The following GMDS variants were observed in gnomAD, a reference collection of about 807,000 sequenced individuals.
The protein encoded by GMDS is GDP-mannose 4,6-dehydratase, also known as GDP-mannose 4,6 dehydratase.
A neutral mutation model predicts 49.9 loss-of-function variants in GMDS; 20 were observed. The observed-to-expected ratio is 0.40, with a 90% CI of 0.28 to 0.58. GMDS has a LOEUF of 0.58. Ranked by LOEUF, GMDS falls within the 20% of genes least tolerant of loss-of-function variation. The pLI is 0.42. For missense variants in GMDS, 362 were observed against 481.4 expected (o/e 0.75, Z 2.32); for synonymous variants, 177 against 178.6 (o/e 0.99, Z 0.07).
rs145594043 is a variant in GMDS at position 1,744,079 on chromosome 6, A to G, written c.772-1493T>C. On this transcript the variant is annotated intron_variant, in intron 7 of 10. Transcript: ENST00000380815. ...AGCCTATTTTCTCTTAGAAAATGCC[A>G]CCAAAAAAGTTTAATTTCCTTTTTA... Among the ~76,000 whole-genome samples the G allele has an allele frequency of 3.6e-4, 55 of 152,358 alleles. No individual in the cohort carries two copies. The East Asian group carries it at 0.01, about 29-fold the overall frequency.
rs144538094 is a variant in GMDS at position 2,005,382 on chromosome 6, G to A, written c.346-44416C>T. On this transcript the variant is annotated intron_variant, in intron 4 of 10. Coordinates refer to ENST00000380815, the MANE Select transcript of GMDS (RefSeq NM_001500.4). ...ATTTACCCCTCAGGAAACAATTGCC[G>A]CTTTATGATTTCAACTCTTTCAGGG... Among the ~76,000 whole-genome samples, 750 of 152,232 alleles carry A rather than the reference G, an allele frequency of 4.9e-3. 11 individuals are homozygous for A. Among genetic ancestry groups the A allele is most frequent in the Middle Eastern group, 0.037 (11 of 294 alleles).
intron 1 of GMDS, among the ~76,000 whole-genome samples, chr6:2,132,575 G>T (rs1320771985): frequency 6.6e-6 from 1 of 152,178 alleles, no homozygotes; most frequent in Non-Finnish European, 1.5e-5. Context: ...GAGAACACCA[G>T]TAGATGCATG....
intron 6 of GMDS, among the ~76,000 whole-genome samples, chr6:1,932,222 T>C (rs949678636): frequency 6.6e-6 from 1 of 152,140 alleles, no homozygotes; most frequent in Non-Finnish European, 1.5e-5. Context: ...ACCACAACCT[T>C]ATGATGGTTA....
At chr6:1,922,673 G>A (rs11969985) in intron 7 of GMDS, among the ~76,000 whole-genome samples, 27,487 of 152,080 alleles carry the variant, frequency 0.18, 2,621 homozygotes, top group African/African-American at 0.23. Flanking sequence ...AGAGAGAAAC[G>A]TGGTTTGACT....
chr6:1,629,034 A>G (rs981696862), intron 9 of GMDS, among the ~76,000 whole-genome samples: 3 of 152,234 alleles, frequency 2.0e-5, no homozygotes, highest in African/African-American at 4.8e-5. Flanking sequence ...CTGCTAAACA[A>G]CAACAAAAAG....
At chr6:1,769,338 A>G (rs1768483307) in intron 7 of GMDS, among the ~76,000 whole-genome samples, 1 of 152,238 alleles carries the variant, frequency 6.6e-6, no homozygotes. Flanking sequence ...AATTCTCTCA[A>G]AGCTGGAGGA....
chr6:2,136,009 T>C (rs187895266), intron 1 of GMDS, among the ~76,000 whole-genome samples: 42 of 152,300 alleles, frequency 2.8e-4, no homozygotes, highest in Non-Finnish European at 3.8e-4. Flanking sequence ...ATATATGATA[T>C]AGTCTTATGG....
At chr6:1,820,491 A>ACCCT (rs1770846004) in intron 7 of GMDS, among the ~76,000 whole-genome samples, 2 of 152,178 alleles carry the variant, frequency 1.3e-5, no homozygotes, top group Non-Finnish European at 1.5e-5. Context: ...GACCCTATAA[A>ACCCT]ATTTAGAATA....
intron 7 of GMDS, among the ~76,000 whole-genome samples, chr6:1,883,080 T>C (rs1006567647): frequency 1.3e-5 from 2 of 152,190 alleles, no homozygotes; most frequent in Admixed American, 6.5e-5. Context: ...AAAACAAATA[T>C]ATAAGTAGGA....
chr6:1,739,424 C>A (rs1304393375), intron 8 of GMDS, among the ~76,000 whole-genome samples: 1 of 152,238 alleles, frequency 6.6e-6, no homozygotes, highest in African/African-American at 2.4e-5. Context: ...CTCTGTCTGT[C>A]TTGGAGCACA....
intron 4 of GMDS, among the ~76,000 whole-genome samples, chr6:1,964,039 C>T (rs1259737498): frequency 1.3e-5 from 2 of 152,298 alleles, no homozygotes; most frequent in East Asian, 1.9e-4. Context: ...CCACTCCCTC[C>T]GTGAGGGTCT....
At chr6:2,005,301 T>C (rs1767089022) in intron 4 of GMDS, among the ~76,000 whole-genome samples, 1 of 152,152 alleles carries the variant, frequency 6.6e-6, no homozygotes, top group Admixed American at 6.6e-5. Context: ...GGAATTCAAC[T>C]GTATGGTCCA....
At chr6:1,628,075 A>G (rs1762896601) in intron 9 of GMDS, among the ~76,000 whole-genome samples, 1 of 152,214 alleles carries the variant, frequency 6.6e-6, no homozygotes. Context: ...TGTACCATCC[A>G]GGCATACATT....
At chr6:1,647,858 C>T (rs1033166483) in intron 9 of GMDS, among the ~76,000 whole-genome samples, 1 of 152,200 alleles carries the variant, frequency 6.6e-6, no homozygotes, top group African/African-American at 2.4e-5. Context: ...TGTACTGATC[C>T]CTCCAGTGCC....
At chr6:2,127,239 T>G (rs1218981198) in intron 1 of GMDS, among the ~76,000 whole-genome samples, 1 of 152,192 alleles carries the variant, frequency 6.6e-6, no homozygotes. Flanking sequence ...GAAAAATATT[T>G]GCAATAAGAC....
chr6:1,878,122 G>A (rs1232091221), intron 7 of GMDS, among the ~76,000 whole-genome samples: 1 of 151,956 alleles, frequency 6.6e-6, no homozygotes, highest in Non-Finnish European at 1.5e-5. Context: ...GACCATCCTG[G>A]CTAACATGGT....
At chr6:1,663,492 C>T (rs956546071) in intron 9 of GMDS, among the ~76,000 whole-genome samples, 1 of 152,156 alleles carries the variant, frequency 6.6e-6, no homozygotes, top group Non-Finnish European at 1.5e-5. Context: ...TTTATCCTTG[C>T]CCCTGCGGAA....
intron 7 of GMDS, among the ~76,000 whole-genome samples, chr6:1,871,361 C>T (rs546281192): frequency 7.9e-5 from 12 of 152,222 alleles, no homozygotes; most frequent in South Asian, 2.1e-4. Flanking sequence ...AGTGAAAGAA[C>T]ATTAATTTTG....
intron 6 of GMDS, among the ~76,000 whole-genome samples, chr6:1,952,818 G>A (rs1166364945): frequency 6.6e-6 from 1 of 152,124 alleles, no homozygotes; most frequent in Non-Finnish European, 1.5e-5. Flanking sequence ...TAAACACTGA[G>A]AGAAGAAAGA....
Sources: allele counts gnomAD v4.1 joint callset (sites outside exome capture counted in the v4.1 genomes callset), GRCh38; gene constraint gnomAD v4.1.1; transcripts MANE v1.5; gene names NCBI Gene and HGNC (gene_info 2026-07-23, HGNC 2026-07-21).